DET1: variants seen among roughly 807,000 people sequenced by gnomAD.
The protein encoded by DET1 is DET1 partner of COP1 E3 ubiquitin ligase.
A neutral mutation model predicts 43.7 loss-of-function variants in DET1; 22 were observed. The ratio of observed to expected loss-of-function variants is 0.50; its 90% CI spans 0.36 to 0.72. The LOEUF (loss-of-function observed/expected upper bound fraction) is 0.72. DET1 is among the 30% of genes least tolerant of loss of function. The pLI is 0.00. For missense variants in DET1, 713 were observed against 713.3 expected (o/e 1.00, Z 0.00); for synonymous variants, 315 against 266.2 (o/e 1.18, Z -1.79).
At chr15:88,502,820 G>C (rs1216237117) in intron 8 of DET1, 1 of 152,262 alleles carries the variant, frequency 6.6e-6, no homozygotes, top group Non-Finnish European at 1.5e-5. Flanking sequence ...CTAAGAGAGA[G>C]AGAGATCGGC....
intron 3 of DET1, among the ~76,000 whole-genome samples, chr15:88,523,729 G>C (rs916971174): frequency 2.0e-5 from 3 of 152,226 alleles, no homozygotes; most frequent in Non-Finnish European, 4.4e-5. Flanking sequence ...ACAGAGTCTC[G>C]CTCACTCAGT....
chr15:88,537,442 C>G (rs1028028074), intron 1 of DET1, among the ~76,000 whole-genome samples: 1 of 152,176 alleles, frequency 6.6e-6, no homozygotes, highest in Non-Finnish European at 1.5e-5. Context: ...CTCAAGTGAT[C>G]TTTCTGCCTT....
chr15:88,525,827 ATTT>A (rs10658727), intron 3 of DET1, among the ~76,000 whole-genome samples: 267 of 90,684 alleles, frequency 2.9e-3, no homozygotes, highest in African/African-American at 0.011. Flanking sequence ...ACACTCGGCT[ATTT>A]TTTTTTTTTT....
chr15:88,533,801 T>A (rs551182454), intron 1 of DET1, among the ~76,000 whole-genome samples: 1 of 134,540 alleles, frequency 7.4e-6, no homozygotes, highest in Non-Finnish European at 1.5e-5. Context: ...GTGGACCACT[T>A]GAGCCCAGGA....
chr15:88,502,142 A>T lies in DET1; in HGVS notation c.*2178+1733T>A, dbSNP rs561942438. On this transcript the variant is annotated intron_variant and NMD_transcript_variant, in intron 8 of 8. Transcript: ENST00000557842. ...AGAGGCAATTTATTTTGAGTAATAC[A>T]TCCCTCCTTAAGACAGATTTCAAAC... is the stretch of plus-strand genomic sequence containing the variant. The T allele has an allele frequency of 2.0e-5, 3 of 152,308 alleles. No homozygotes were observed. The South Asian group carries it at 6.2e-4, about 32-fold the overall frequency. The allele number at this position is 152,308 out of a possible 1,614,324, so 9.4% of individuals were successfully genotyped here.
chr15:88,531,012 A>C lies in DET1; in HGVS notation c.694T>G (p.Leu232Val). ...LYLYKNILAI[L>V]SVQQQTIHVF... is the part of the protein sequence containing the mutation. ...TGGATGGTCTGTTGTTGCACAGACA[A>C]GATGGCCAGGATGTTTTTGTACAAG... Residue 232 changes from leucine (L) to valine (V), a missense_variant, in exon 2 of 5, where the codon TTG becomes GTG. Physicochemically the swap from Leu to Val is conservative, Grantham distance 32. Coordinates refer to ENST00000268148, the MANE Select transcript of DET1 (RefSeq NM_001144074.3). The surrounding 1 kb of genome is among the most constrained non-coding windows in gnomAD (Gnocchi z 6.2). The C allele has an allele frequency of 1.9e-6, 3 of 1,613,678 alleles. No homozygotes were observed. The highest frequency in any genetic ancestry group is 2.5e-6 in the Non-Finnish European group (3 of 1,179,706).
intron 1 of DET1, among the ~76,000 whole-genome samples, chr15:88,541,760 C>T (rs773621386): frequency 6.6e-6 from 1 of 152,198 alleles, no homozygotes; most frequent in Non-Finnish European, 1.5e-5. Flanking sequence ...GTTCATGTGC[C>T]ATTCACAATT....
In DET1 at chr15:88,516,998, G is replaced by A; in HGVS notation, c.1272-25C>T. The A allele has an allele frequency of 2.6e-6, 4 of 1,526,950 alleles. No homozygotes were observed. Among genetic ancestry groups the A allele is most frequent in the Non-Finnish European group, 3.5e-6 (4 of 1,137,108 alleles). The allele number at this position is 1,526,950 out of a possible 1,614,324, so 94.6% of individuals were successfully genotyped here. A position where few individuals can be genotyped will look rare whatever the true frequency, so the allele number is the denominator to read the frequency against. The stretch of plus-strand genomic sequence containing the variant: ...CCTAAATGAAAGGACCGGTGAGGAA[G>A]GCTTTGTTAGTGAGTACACAAAGCT... On this transcript the variant is annotated intron_variant, in intron 3 of 4. Transcript: ENST00000268148. This position sits in a 1 kb window ranked among gnomAD's most constrained non-coding sequence, Gnocchi z 4.4.
chr15:88,536,729 C>T, intron 1 of DET1, among the ~76,000 whole-genome samples: 1 of 144,990 alleles, frequency 6.9e-6, no homozygotes. Flanking sequence ...CAAGATTGTA[C>T]CACTGCACTC....
intron 1 of DET1, among the ~76,000 whole-genome samples, chr15:88,538,399 A>G (rs1211440638): frequency 6.6e-6 from 1 of 151,124 alleles, no homozygotes; most frequent in Non-Finnish European, 1.5e-5. Flanking sequence ...AAGCCCCTGC[A>G]CCTGGAACTG....
intron 8 of DET1, chr15:88,503,558 G>C (rs1040054613): frequency 6.6e-6 from 1 of 152,178 alleles, no homozygotes; most frequent in Admixed American, 6.5e-5. Context: ...CAAATTGCTT[G>C]ATCTCTCTAA....
intron 3 of DET1, among the ~76,000 whole-genome samples, chr15:88,517,280 C>A (rs1055822470): frequency 2.1e-5 from 3 of 141,526 alleles, no homozygotes; most frequent in African/African-American, 8.0e-5. Flanking sequence ...GGCTGGAGTA[C>A]AGTGGTGTGA....
intron 2 of DET1, among the ~76,000 whole-genome samples, chr15:88,529,986 T>G (rs528230878): frequency 1.3e-5 from 2 of 152,372 alleles, no homozygotes; most frequent in East Asian, 3.9e-4. Flanking sequence ...TAAGATTTGC[T>G]GTCCTGATGA....
downstream of DET1, among the ~76,000 whole-genome samples, chr15:88,508,697 G>A (rs2056167433): frequency 7.5e-6 from 1 of 132,616 alleles, no homozygotes; most frequent in South Asian, 2.4e-4. Context: ...TTTCAGAGGA[G>A]GGGTGGAGAC....
In DET1 at chr15:88,531,585, C is replaced by G. The variant is rs768351159; in HGVS notation, c.121G>C (p.Val41Leu). ...TTGGGGAAGACATTCTGATGGAACA[C>G]TCGGACTTGGTGCCAGTGGGTACCT... ...KAGTHWHQVRVFHQNVFPNFT... is the reference protein window; with the variant it reads ...KAGTHWHQVRLFHQNVFPNFT... Residue 41 changes from valine to leucine, a missense_variant, in exon 2 of 5, where the codon GTG (valine) becomes CTG (leucine). Coordinates refer to ENST00000268148, the MANE Select transcript of DET1 (RefSeq NM_001144074.3). The surrounding 1 kb of genome is among the most constrained non-coding windows in gnomAD (Gnocchi z 6.2). 6 of 1,613,974 alleles carry G rather than the reference C, an allele frequency of 3.7e-6. No individual in the cohort carries two copies. The highest frequency in any genetic ancestry group is 5.1e-6 in the Non-Finnish European group (6 of 1,179,874).
chr15:88,536,804 A>G (rs2056965027), intron 1 of DET1, among the ~76,000 whole-genome samples: 1 of 151,680 alleles, frequency 6.6e-6, no homozygotes. Flanking sequence ...CAAACTAGAT[A>G]AAAAGGTACC....
At chr15:88,533,875 A>AAT (rs2056880845) in intron 1 of DET1, among the ~76,000 whole-genome samples, 2 of 149,700 alleles carry the variant, frequency 1.3e-5, no homozygotes, top group South Asian at 4.2e-4. Context: ...AAAAAAAAAA[A>AAT]ATTAATGTAA....
intron 1 of DET1, among the ~76,000 whole-genome samples, chr15:88,539,715 G>A (rs2057053168): frequency 2.0e-5 from 3 of 152,134 alleles, no homozygotes; most frequent in South Asian, 4.2e-4. Flanking sequence ...TGTCTTTTCT[G>A]CCAGAGGCAA....
In DET1 at chr15:88,516,176, T is replaced by C. The variant is rs2056340641; in HGVS notation, c.1463+606A>G. On this transcript the variant is annotated intron_variant, in intron 4 of 4. Coordinates refer to ENST00000268148, the MANE Select transcript of DET1 (RefSeq NM_001144074.3). This position sits in a 1 kb window ranked among gnomAD's most constrained non-coding sequence, Gnocchi z 4.4. Reference sequence around the variant, plus strand: ...GAGATAACTCCACTAGTGACAATAATTCCAGCTCCTCCCCCTAATATTATT... The same window carrying C: ...GAGATAACTCCACTAGTGACAATAACTCCAGCTCCTCCCCCTAATATTATT... Among the ~76,000 whole-genome samples the C allele has an allele frequency of 6.6e-6, 1 of 152,176 alleles. No homozygotes were observed.
Sources: allele counts gnomAD v4.1 joint callset (sites outside exome capture counted in the v4.1 genomes callset), GRCh38; gene constraint gnomAD v4.1.1; non-coding constraint Gnocchi (gnomAD v3.1); transcripts MANE v1.5; gene names NCBI Gene and HGNC (gene_info 2026-07-23, HGNC 2026-07-21).